COPE: variants seen among roughly 807,000 people sequenced by gnomAD.
The protein encoded by COPE is coatomer subunit epsilon.
Under a neutral mutation model 42.1 loss-of-function variants are expected in COPE, and 19 were observed. That is an observed-to-expected ratio of 0.45 (90% CI 0.31 to 0.66). COPE has a LOEUF of 0.66. Ranked by LOEUF, COPE falls within the 30% of genes least tolerant of loss-of-function variation. The pLI is 0.05. For missense variants in COPE, 402 were observed against 416.1 expected (o/e 0.97, Z 0.30); for synonymous variants, 195 against 181.3 (o/e 1.08, Z -0.60).
At chr19:18,912,764 A>G (rs117605534) in intron 2 of COPE, among the ~76,000 whole-genome samples, 12,395 of 149,590 alleles carry the variant, frequency 0.083, 554 homozygotes, top group Middle Eastern at 0.12. Flanking sequence ...AAAATCAAGA[A>G]GCTGTGACCC....
At chr19:18,909,653 G>C (rs1340051317) in intron 3 of COPE, among the ~76,000 whole-genome samples, 1 of 151,892 alleles carries the variant, frequency 6.6e-6, no homozygotes, top group African/African-American at 2.4e-5. Context: ...CAAGTAGCTG[G>C]AATCACAGAC....
At chr19:18,902,817 G>GA (rs1458260385) in intron 7 of COPE, among the ~76,000 whole-genome samples, 1 of 29,810 alleles carries the variant, frequency 3.4e-5, no homozygotes. Flanking sequence ...AGGAAGGAAG[G>GA]AAGGAAGGAA....
Position 18,899,702 on chromosome 19 carries a change from G to A in COPE, c.904C>T (p.Leu302=). ...AKENDFDRLV[L]QYAPSA is the part of the protein sequence containing the mutation. ...CCTCAGGCGCTGGGAGCGTACTGTA[G>A]CACCAGCCTGTCAAAGTCGTTCTCC... Residue 302 remains leucine (L), a synonymous_variant, in exon 10 of 10, where the codon CTA becomes TTA. Coordinates refer to ENST00000262812, the MANE Select transcript of COPE (RefSeq NM_007263.4). 1.2e-6 allele frequency: 2 copies of A among 1,613,654 alleles called. No individual in the cohort carries two copies. The highest frequency in any genetic ancestry group is 1.7e-6 in the Non-Finnish European group (2 of 1,179,978).
intron 2 of COPE, 99 bp from the exon 3 acceptor site, chr19:18,911,170 C>G: frequency 9.8e-7 from 1 of 1,017,132 alleles, no homozygotes; most frequent in Non-Finnish European, 1.5e-6. Context: ...GTCCCTGCCC[C>G]ACCAGGGACC....
rs2145064137 is a variant in COPE at position 18,906,969 on chromosome 19, C to A, written c.434G>T (p.Ser145Ile). 3.8e-6 allele frequency: 6 copies of A among 1,559,856 alleles called. No individual in the cohort carries two copies. Among genetic ancestry groups the A allele is most frequent in the Non-Finnish European group, 4.3e-6 (5 of 1,152,448 alleles). Reference sequence around the variant, plus strand: ...CAGGGAGGCCACTCACCACTCCAGGCTGTCCCCCTGGTGCAGCGCACGCAG... The same window carrying A: ...CAGGGAGGCCACTCACCACTCCAGGATGTCCCCCTGGTGCAGCGCACGCAG... ...AALRALHQGDSLECTAMTVQI... is the reference protein window; with the variant it reads ...AALRALHQGDILECTAMTVQI... Residue 145 changes from serine to isoleucine, a missense_variant, in exon 4 of 10, where the codon AGC (serine) becomes ATC (isoleucine). Transcript: ENST00000262812.
intron 1 of COPE, 23 bp downstream of exon 1, chr19:18,919,200 C>T: frequency 6.3e-7 from 1 of 1,596,850 alleles, no homozygotes; most frequent in Non-Finnish European, 8.5e-7. Flanking sequence ...CCCCAGCGTC[C>T]CCGCGCCCCT....
chr19:18,906,206 G>A (rs2056757796), intron 4 of COPE: 6 of 350,528 alleles, frequency 1.7e-5, no homozygotes, highest in East Asian at 4.1e-5. Flanking sequence ...TTTTTTGTGT[G>A]TGAGTCAGGG....
intron 2 of COPE, 84 bp downstream of exon 2, chr19:18,912,899 CA>C: frequency 1.5e-6 from 2 of 1,366,460 alleles, no homozygotes; most frequent in Non-Finnish European, 2.1e-6. Flanking sequence ...CTGTCCCCGC[CA>C]CCCACTCTGT....
At chr19:18,902,179 C>CA (rs34747007) in intron 7 of COPE, among the ~76,000 whole-genome samples, 9,142 of 108,080 alleles carry the variant, frequency 0.085, 458 homozygotes, top group East Asian at 0.13. Flanking sequence ...GACTCCATCT[C>CA]AAAAAAAAAA....
At chr19:18,908,495 G>A (rs1341024947) in intron 3 of COPE, among the ~76,000 whole-genome samples, 1 of 149,936 alleles carries the variant, frequency 6.7e-6, no homozygotes, top group African/African-American at 2.5e-5. Context: ...AGACCAGCCT[G>A]GGCAACATGG....
At chr19:18,905,867 C>T (rs556277350) in intron 4 of COPE, 12 of 547,844 alleles carry the variant, frequency 2.2e-5, no homozygotes, top group South Asian at 9.8e-5. Context: ...GCCCACTCAC[C>T]GCCCATCTGG....
In COPE at chr19:18,899,594, C is replaced by T. The variant is rs2056675537; in HGVS notation, c.*85G>A. The T allele has an allele frequency of 6.2e-6, 9 of 1,452,100 alleles. No individual in the cohort carries two copies. The highest frequency in any genetic ancestry group is 8.7e-6 in the Non-Finnish European group (9 of 1,038,004). The allele number at this position is 1,452,100 out of a possible 1,614,324, so 90.0% of individuals were successfully genotyped here. A position where few individuals can be genotyped will look rare whatever the true frequency, so the allele number is the denominator to read the frequency against. The stretch of plus-strand genomic sequence containing the variant: ...TGGGCTCCTGCCCCCAGAGGGGATG[C>T]AGGTGGATGCCGGGTGGGGAGGGCT... On this transcript the variant is annotated 3_prime_UTR_variant, in exon 10 of 10. Coordinates refer to ENST00000262812, the MANE Select transcript of COPE (RefSeq NM_007263.4).
intron 7 of COPE, among the ~76,000 whole-genome samples, chr19:18,902,537 C>T (rs1433114537): frequency 2.0e-5 from 3 of 149,148 alleles, no homozygotes; most frequent in Middle Eastern, 3.3e-3. Flanking sequence ...TGGTGGCAGC[C>T]GCCTGTAATC....
chr19:18,903,289 C>T lies in COPE; in HGVS notation c.714G>A (p.Leu238=), dbSNP rs1253790503. 1.9e-6 allele frequency: 3 copies of T among 1,601,612 alleles called. No individual in the cohort carries two copies. Among genetic ancestry groups the T allele is most frequent in the Admixed American group, 3.4e-5 (2 of 58,030 alleles). The change falls in exon 7 of 10, where the codon CTG becomes CTA. Residue 238 remains leucine, a synonymous_variant. Transcript: ENST00000262812. ...AQGRWEAAEG[L]LQEALDKDSG... is the part of the protein sequence containing the mutation. Reference sequence around the variant, plus strand: ...CTACCTTGTCTAGCGCCTCCTGCAGCAGGCCCTCAGCGGCCTCCCAGCGGC... The same window carrying T: ...CTACCTTGTCTAGCGCCTCCTGCAGTAGGCCCTCAGCGGCCTCCCAGCGGC...
chr19:18,916,120 G>A lies in COPE; in HGVS notation c.127-3074C>T, dbSNP rs572190008. ...GAATCGCTTGAACCCAGGAGGCAGA[G>A]GTTGTGGTGAGCTGAGATCATGCCA... On this transcript the variant is annotated intron_variant, in intron 1 of 9. Coordinates refer to ENST00000262812, the MANE Select transcript of COPE (RefSeq NM_007263.4). 9.2e-5 allele frequency among the ~76,000 whole-genome samples: 14 copies of A among 152,310 alleles called. No homozygotes were observed. In the South Asian group the frequency reaches 2.1e-3, roughly 23 times the overall value.
chr19:18,919,186 C>T (rs1207334397), intron 1 of COPE, 37 bp downstream of exon 1: 1 of 1,583,146 alleles, frequency 6.3e-7, no homozygotes, highest in South Asian at 1.1e-5. Flanking sequence ...TCCTCCGCCT[C>T]CGCCCCCAGC....
chr19:18,912,785 G>A (rs1026906906), intron 2 of COPE, among the ~76,000 whole-genome samples, 199 bp downstream of exon 2: 1 of 149,572 alleles, frequency 6.7e-6, no homozygotes, highest in African/African-American at 2.4e-5. Context: ...AGGCCCCCTG[G>A]CCTGGCAGTC....
intron 5 of COPE, among the ~76,000 whole-genome samples, chr19:18,905,263 G>A (rs1025263773): frequency 6.6e-6 from 1 of 152,176 alleles, no homozygotes; most frequent in African/African-American, 2.4e-5. Context: ...CAGCCCCACG[G>A]CACAGTTACA....
chr19:18,911,217 C>T (rs1316142245), intron 2 of COPE, 146 bp from the exon 3 acceptor site: 10 of 684,142 alleles, frequency 1.5e-5, no homozygotes, highest in Non-Finnish European at 2.6e-5. Context: ...CTGCAGTACA[C>T]TGTGGAGGGT....
Sources: allele counts gnomAD v4.1 joint callset (sites outside exome capture counted in the v4.1 genomes callset), GRCh38; gene constraint gnomAD v4.1.1; transcripts MANE v1.5; gene names NCBI Gene and HGNC (gene_info 2026-07-23, HGNC 2026-07-21).